The following TRHDE variants were observed in gnomAD, a reference collection of about 807,000 sequenced individuals.
TRHDE encodes thyrotropin-releasing hormone-degrading ectoenzyme.
In TRHDE, 72 loss-of-function variants were observed where a neutral mutation model predicts 125.7. The observed-to-expected ratio is 0.57, with a 90% confidence interval of 0.47 to 0.70. TRHDE has a LOEUF of 0.70. Ranked by LOEUF, TRHDE falls within the 30% of genes least tolerant of loss-of-function variation. The pLI, the probability that TRHDE is intolerant of heterozygous loss-of-function variation, is 0.00. For missense variants in TRHDE, 1,110 were observed against 1,327.1 expected (o/e 0.84, Z 2.54); for synonymous variants, 509 against 509.1 (o/e 1.00, Z 0.00).
chr12:72,452,414 A>G (rs903201154), intron 3 of TRHDE, among the ~76,000 whole-genome samples: 12 of 152,002 alleles, frequency 7.9e-5, no homozygotes, highest in African/African-American at 2.9e-4. Context: ...TTCTTTTCTC[A>G]TTTGGATGAT....
intron 15 of TRHDE, among the ~76,000 whole-genome samples, chr12:72,639,859 T>C: frequency 6.6e-6 from 1 of 152,158 alleles, no homozygotes; most frequent in East Asian, 1.9e-4. Flanking sequence ...AGTCTGCCCG[T>C]TCTCAGATCT....
intron 5 of TRHDE, among the ~76,000 whole-genome samples, chr12:72,498,051 A>T (rs1877993388): frequency 6.6e-6 from 1 of 152,186 alleles, no homozygotes; most frequent in African/African-American, 2.4e-5. Context: ...TGATTCAGTC[A>T]TTACCATATA....
intron 2 of TRHDE, among the ~76,000 whole-genome samples, chr12:72,225,585 G>T (rs1276895461): frequency 6.6e-6 from 1 of 152,080 alleles, no homozygotes; most frequent in Non-Finnish European, 1.5e-5. Flanking sequence ...TAATTGTTTT[G>T]GTTTCCTTGT....
intron 2 of TRHDE, among the ~76,000 whole-genome samples, chr12:72,107,498 T>G (rs1396167639): frequency 1.3e-5 from 2 of 152,164 alleles, no homozygotes; most frequent in African/African-American, 4.8e-5. Flanking sequence ...CTTCATCTGC[T>G]GGATCTCTCT....
At chr12:72,565,847 T>G (rs996837153) in intron 9 of TRHDE, among the ~76,000 whole-genome samples, 2 of 152,038 alleles carry the variant, frequency 1.3e-5, no homozygotes, top group Admixed American at 1.3e-4. Flanking sequence ...CAGGAACTGT[T>G]AAAGAAAAAA....
intron 6 of TRHDE, among the ~76,000 whole-genome samples, chr12:72,513,443 T>A (rs1878694654): frequency 6.6e-6 from 1 of 152,128 alleles, no homozygotes; most frequent in Non-Finnish European, 1.5e-5. Context: ...CTCCCAGATG[T>A]TTTTATGGAT....
intron 1 of TRHDE, among the ~76,000 whole-genome samples, chr12:72,279,143 G>A (rs1879601362): frequency 6.6e-6 from 1 of 152,184 alleles, no homozygotes. Context: ...TTGCCACTGT[G>A]TATGTGGATG....
intron 3 of TRHDE, among the ~76,000 whole-genome samples, chr12:72,447,714 C>A (rs1875367658): frequency 6.6e-6 from 1 of 152,078 alleles, no homozygotes; most frequent in Non-Finnish European, 1.5e-5. Flanking sequence ...GAATGTTAGA[C>A]ATTATTTGGA....
chr12:72,157,786 A>G (rs1388993324), intron 2 of TRHDE, among the ~76,000 whole-genome samples: 2 of 152,224 alleles, frequency 1.3e-5, no homozygotes, highest in Non-Finnish European at 2.9e-5. Context: ...ACTCAGGGTC[A>G]GGTCTGGAGA....
At chr12:72,624,837 T>C (rs547647975) in intron 15 of TRHDE, among the ~76,000 whole-genome samples, 44 of 151,844 alleles carry the variant, frequency 2.9e-4, no homozygotes, top group Admixed American at 9.2e-4. Context: ...AGGAGACAAA[T>C]TGCCAAGCAT....
chr12:72,525,105 T>C (rs1868309429), intron 6 of TRHDE, among the ~76,000 whole-genome samples: 1 of 152,160 alleles, frequency 6.6e-6, no homozygotes, highest in Admixed American at 6.6e-5. Context: ...TATTTGAATC[T>C]GGAGTTTCTG....
chr12:72,636,909 T>C (rs963601965), intron 15 of TRHDE, among the ~76,000 whole-genome samples: 2 of 152,076 alleles, frequency 1.3e-5, no homozygotes, highest in Non-Finnish European at 2.9e-5. Context: ...GTTTTGCCAG[T>C]ATTTTATTGA....
chr12:72,429,166 G>A (rs1350775198), intron 3 of TRHDE, among the ~76,000 whole-genome samples: 15 of 151,798 alleles, frequency 9.9e-5, no homozygotes, highest in Admixed American at 9.9e-4. Context: ...GACACAGGGA[G>A]GGGAACATCA....
At chr12:72,145,652 A>G (rs959067405) in intron 2 of TRHDE, among the ~76,000 whole-genome samples, 1 of 152,170 alleles carries the variant, frequency 6.6e-6, no homozygotes, top group Admixed American at 6.5e-5. Context: ...ATTCTATTTC[A>G]TGGTCAAAAG....
intron 2 of TRHDE, among the ~76,000 whole-genome samples, chr12:72,199,562 T>A (rs1168350703): frequency 6.6e-6 from 1 of 152,196 alleles, no homozygotes; most frequent in Non-Finnish European, 1.5e-5. Flanking sequence ...AGCTAGAATT[T>A]GAAAAGCTGT....
rs1048957159 is a variant in TRHDE, at chr12:72,321,816, G to C, written c.1188+34862G>C. 1.4e-4 allele frequency among the ~76,000 whole-genome samples: 21 copies of C among 152,068 alleles called. No homozygotes were observed. In the South Asian group the frequency reaches 4.1e-3, roughly 30 times the overall value. ...TGTAAATAATGTATAATTTTGTTTA[G>C]TGTTTAGTGTTGGTGCTCTCTGCCT... On this transcript the variant is annotated intron_variant, in intron 2 of 18. Coordinates refer to ENST00000261180, the MANE Select transcript of TRHDE (RefSeq NM_013381.3).
At chr12:72,542,386 C>T (rs1200401683) in intron 7 of TRHDE, 30 bp downstream of exon 7, 3 of 1,568,294 alleles carry the variant, frequency 1.9e-6, no homozygotes, top group African/African-American at 2.7e-5. Context: ...TTTTCTTTTA[C>T]ATTTTTCCTT....
chr12:72,625,382 AT>A (rs1873217655), intron 15 of TRHDE, among the ~76,000 whole-genome samples: 1 of 151,884 alleles, frequency 6.6e-6, no homozygotes, highest in South Asian at 2.1e-4. Flanking sequence ...ACTTAAAAAA[AT>A]ACCCTGAAAC....
chr12:72,378,003 A>G lies in TRHDE; in HGVS notation c.1197A>G (p.Leu399=). Residue 399 remains leucine, a synonymous_variant, in exon 3 of 19, where the codon TTA becomes TTG. Transcript: ENST00000261180. ...TATATATTTTTAATTAGGTACGATTATATGCAAGACCTGATGCTATCAGAA... is the reference window on the plus strand; with the variant it reads ...TATATATTTTTAATTAGGTACGATTGTATGCAAGACCTGATGCTATCAGAA... ...TTTKSGVVVR[L]YARPDAIRRG... The G allele has an allele frequency of 6.3e-7, 1 of 1,581,524 alleles. No homozygotes were observed. The highest frequency in any genetic ancestry group is 8.6e-7 in the Non-Finnish European group (1 of 1,168,048).
Sources: allele counts gnomAD v4.1 joint callset (sites outside exome capture counted in the v4.1 genomes callset), GRCh38; gene constraint gnomAD v4.1.1; transcripts MANE v1.5; gene names NCBI Gene and HGNC (gene_info 2026-07-23, HGNC 2026-07-21).